STIM1: variants seen among roughly 807,000 people sequenced by gnomAD.
STIM1 encodes stromal interaction molecule 1.
STIM1 carries 25 observed loss-of-function variants against 74.7 expected under a neutral mutation model. The ratio of observed to expected loss-of-function variants is 0.33; its 90% CI spans 0.24 to 0.47. The LOEUF is 0.47. Ranked by LOEUF, STIM1 falls within the 20% of genes least tolerant of loss-of-function variation. The probability of loss-of-function intolerance (pLI) is 1.00; values close to 1 mark genes in which losing one functional copy is unlikely to be tolerated. For synonymous variants in STIM1, 328 were observed against 348.8 expected (o/e 0.94, Z 0.66); for missense variants, 728 against 920.8 (o/e 0.79, Z 2.71).
intron 3 of STIM1, among the ~76,000 whole-genome samples, chr11:4,028,752 C>G (rs1028622713): frequency 6.6e-6 from 1 of 152,032 alleles, no homozygotes; most frequent in African/African-American, 2.4e-5. Context: ...TTTTATGAAT[C>G]AAGACTTTGT....
chr11:3,920,592 A>T (rs1335664177), intron 1 of STIM1, among the ~76,000 whole-genome samples: 3 of 152,040 alleles, frequency 2.0e-5, no homozygotes, highest in Non-Finnish European at 4.4e-5. Flanking sequence ...TATAATTGGG[A>T]TTGACAAACT....
intron 2 of STIM1, among the ~76,000 whole-genome samples, chr11:3,995,905 C>T (rs1384948296): frequency 2.0e-5 from 3 of 151,348 alleles, no homozygotes; most frequent in Non-Finnish European, 2.9e-5. Flanking sequence ...TGGGGTCTCC[C>T]TATGTTGCCC....
At chr11:4,033,933 A>G (rs567722366) in intron 3 of STIM1, among the ~76,000 whole-genome samples, 229 of 151,884 alleles carry the variant, frequency 1.5e-3, no homozygotes, top group Non-Finnish European at 2.6e-3. Flanking sequence ...GTCTTTCACC[A>G]TAAAATATAA....
chr11:3,884,989 T>TG lies in STIM1; in HGVS notation c.139+28586dup, dbSNP rs1209013234. On this transcript the variant is annotated intron_variant, in intron 1 of 12. Coordinates refer to ENST00000526596, the MANE Select transcript of STIM1 (RefSeq NM_001382567.1). ...AAGTAGATTAGTGGTTGCCAGGGTGTGGGGGGAGAGGGTAATGAGAAGTTA... is the reference window on the plus strand; with the variant it reads ...AAGTAGATTAGTGGTTGCCAGGGTGTGGGGGGGAGAGGGTAATGAGAAGTTA... 2.0e-5 allele frequency among the ~76,000 whole-genome samples: 3 copies of TG among 152,042 alleles called. No homozygotes were observed. In the East Asian group the frequency reaches 5.8e-4, roughly 29 times the overall value.
At chr11:3,920,241 A>G (rs1182426773) in intron 1 of STIM1, among the ~76,000 whole-genome samples, 1 of 152,030 alleles carries the variant, frequency 6.6e-6, no homozygotes, top group African/African-American at 2.4e-5. Context: ...GATTACAGGC[A>G]TGAGTCATTG....
chr11:4,031,639 G>A (rs2094051219), intron 3 of STIM1, among the ~76,000 whole-genome samples: 1 of 152,144 alleles, frequency 6.6e-6, no homozygotes, highest in African/African-American at 2.4e-5. Context: ...ACAATGTTGA[G>A]CATCCTTTTA....
chr11:4,088,808 C>A lies in STIM1; in HGVS notation c.1634+2265C>A. The A allele has an allele frequency of 2.0e-6, 3 of 1,468,270 alleles. No homozygotes were observed. The South Asian group carries it at 3.6e-5, about 18-fold the overall frequency. The allele number at this position is 1,468,270 out of a possible 1,614,324, so 91.0% of individuals were successfully genotyped here. On this transcript the variant is annotated intron_variant, in intron 12 of 12. Transcript: ENST00000526596. ...GAGGGACCTCTGGCCTGATTGTTCTCAGTGATTCAGGGAGGGAAGGTGAGC... is the reference window on the plus strand; with the variant it reads ...GAGGGACCTCTGGCCTGATTGTTCTAAGTGATTCAGGGAGGGAAGGTGAGC...
intron 5 of STIM1, among the ~76,000 whole-genome samples, chr11:4,063,499 A>G (rs537866280): frequency 9.2e-5 from 14 of 152,322 alleles, no homozygotes; most frequent in Non-Finnish European, 1.6e-4. Context: ...AGGCACGCAC[A>G]CTGTATTTTT....
intron 2 of STIM1, among the ~76,000 whole-genome samples, chr11:4,015,471 T>C (rs1234387219): frequency 6.6e-6 from 1 of 152,210 alleles, no homozygotes; most frequent in Non-Finnish European, 1.5e-5. Context: ...CTGGCTGCCC[T>C]TAACATTTTT....
intron 2 of STIM1, among the ~76,000 whole-genome samples, chr11:3,974,822 C>T (rs1340974745): frequency 2.0e-4 from 30 of 151,970 alleles, no homozygotes; most frequent in Admixed American, 2.0e-3. Context: ...GCTCCATGGG[C>T]AAAAGATTTG....
At chr11:3,933,677 TAG>T (rs2092898434) in intron 1 of STIM1, among the ~76,000 whole-genome samples, 1 of 152,196 alleles carries the variant, frequency 6.6e-6, no homozygotes. Flanking sequence ...GTAGATAACC[TAG>T]AGTCTCTCTC....
chr11:4,058,453 G>A (rs1264175359), intron 4 of STIM1, among the ~76,000 whole-genome samples: 1 of 152,178 alleles, frequency 6.6e-6, no homozygotes, highest in Non-Finnish European at 1.5e-5. Flanking sequence ...GAGAAATAAA[G>A]CTATGCATCA....
chr11:3,959,410 G>A (rs1304864851), intron 1 of STIM1, among the ~76,000 whole-genome samples: 1 of 152,148 alleles, frequency 6.6e-6, no homozygotes, highest in Non-Finnish European at 1.5e-5. Context: ...GGGAGATATG[G>A]TTTTTTAATT....
intron 1 of STIM1, among the ~76,000 whole-genome samples, chr11:3,888,535 A>C (rs2091799386): frequency 1.3e-5 from 2 of 151,846 alleles, no homozygotes; most frequent in African/African-American, 4.8e-5. Flanking sequence ...ATTGCCATAT[A>C]GTCTTTTTTT....
At chr11:3,925,299 G>A (rs956502931) in intron 1 of STIM1, among the ~76,000 whole-genome samples, 3 of 152,252 alleles carry the variant, frequency 2.0e-5, no homozygotes, top group African/African-American at 7.2e-5. Context: ...GGAGGCTGAT[G>A]CAGGAGAATC....
At chr11:3,876,697 C>A (rs1459937445) in intron 1 of STIM1, among the ~76,000 whole-genome samples, 1 of 150,350 alleles carries the variant, frequency 6.7e-6, no homozygotes, top group African/African-American at 2.4e-5. Context: ...GCCACTGGGT[C>A]TGGCCTTCAA....
intron 1 of STIM1, among the ~76,000 whole-genome samples, chr11:3,927,037 C>T (rs1228817256): frequency 6.6e-6 from 1 of 152,144 alleles, no homozygotes; most frequent in Non-Finnish European, 1.5e-5. Flanking sequence ...TTTAAGGTTG[C>T]TATGAAAAAT....
intron 3 of STIM1, among the ~76,000 whole-genome samples, chr11:4,050,388 A>G (rs1590674295): frequency 1.3e-5 from 2 of 152,308 alleles, no homozygotes; most frequent in East Asian, 1.9e-4. Context: ...GTGCTATCAG[A>G]TAGATCGTAA....
chr11:3,901,820 G>A (rs917930794), intron 1 of STIM1, among the ~76,000 whole-genome samples: 1 of 152,220 alleles, frequency 6.6e-6, no homozygotes, highest in Non-Finnish European at 1.5e-5. Flanking sequence ...CACTCCAGCA[G>A]TGCAGCCACA....
Sources: allele counts gnomAD v4.1 joint callset (sites outside exome capture counted in the v4.1 genomes callset), GRCh38; gene constraint gnomAD v4.1.1; transcripts MANE v1.5; gene names NCBI Gene and HGNC (gene_info 2026-07-23, HGNC 2026-07-21).